GHR: variants seen among roughly 807,000 people sequenced by gnomAD.
GHR encodes the protein growth hormone receptor, also known as GH receptor.
Under a neutral mutation model 67.1 loss-of-function variants are expected in GHR, and 35 were observed. The ratio of observed to expected loss-of-function variants is 0.52; its 90% confidence interval spans 0.40 to 0.69. The LOEUF is 0.69. Among genes scored for constraint, GHR ranks in the 30% least tolerant of loss-of-function variants. The pLI, the probability that GHR is intolerant of heterozygous loss-of-function variation, is 0.00. For synonymous variants in GHR, 272 were observed against 269.1 expected (o/e 1.01, Z -0.10); for missense variants, 792 against 764.6 (o/e 1.04, Z -0.42).
At chr5:42,710,299 G>T (rs568546509) in intron 6 of GHR, among the ~76,000 whole-genome samples, 36 of 152,154 alleles carry the variant, frequency 2.4e-4, no homozygotes, top group African/African-American at 7.7e-4. Context: ...TGAGAATTTT[G>T]TTTATGCGAA....
At chr5:42,453,376 C>T (rs1426794397) in intron 1 of GHR, among the ~76,000 whole-genome samples, 1 of 152,124 alleles carries the variant, frequency 6.6e-6, no homozygotes, top group Non-Finnish European at 1.5e-5. Flanking sequence ...AGGTATCCCC[C>T]GGCAGGCACC....
At chr5:42,518,941 A>C (rs1747357248) in intron 1 of GHR, among the ~76,000 whole-genome samples, 1 of 152,234 alleles carries the variant, frequency 6.6e-6, no homozygotes, top group Non-Finnish European at 1.5e-5. Context: ...TTCGAGAGCC[A>C]GGAGGCTCTT....
chr5:42,716,473 G>A (rs80293541), intron 8 of GHR, among the ~76,000 whole-genome samples: 2,728 of 152,234 alleles, frequency 0.018, 147 homozygotes, highest in South Asian at 0.17. Context: ...ACTGTAGCAC[G>A]AAAGTGGCCA....
At chr5:42,426,434 C>T (rs546345308) in intron 1 of GHR, among the ~76,000 whole-genome samples, 21 of 152,162 alleles carry the variant, frequency 1.4e-4, no homozygotes, top group Non-Finnish European at 2.9e-4. Flanking sequence ...AATCTGCTAA[C>T]CTGAAGATTA....
intron 2 of GHR, 136 bp downstream of exon 2, chr5:42,566,080 G>C (rs1749916688): frequency 5.0e-6 from 5 of 1,002,408 alleles, no homozygotes; most frequent in Non-Finnish European, 7.7e-6. Context: ...ACTTGACTTA[G>C]CTTTAAAATC....
intron 3 of GHR, among the ~76,000 whole-genome samples, chr5:42,679,111 TTATAA>T (rs1756716037): frequency 6.9e-6 from 1 of 144,452 alleles, no homozygotes; most frequent in Non-Finnish European, 1.5e-5. Flanking sequence ...TAATATATTA[TTATAA>T]TATATTATAT....
In GHR at chr5:42,465,842, A is replaced by G. The variant is rs1419165142; in HGVS notation, c.-12+41887A>G. On this transcript the variant is annotated intron_variant, in intron 1 of 9. Coordinates refer to ENST00000230882, the MANE Select transcript of GHR (RefSeq NM_000163.5). ...ACCATGACCTTGAATAGGTCGGTCA[A>G]TAATCAGTCTATCAACTGAAAATTC... is the stretch of plus-strand genomic sequence containing the variant. The G allele has an allele frequency of 2.4e-5, 18 of 760,122 alleles. No homozygotes were observed. The East Asian group carries it at 3.6e-4, about 15-fold the overall frequency. 47.1% of individuals were successfully genotyped at this position (760,122 alleles called of 1,614,324 possible). A position where few individuals can be genotyped will look rare whatever the true frequency, so the allele number is the denominator to read the frequency against.
intron 1 of GHR, among the ~76,000 whole-genome samples, chr5:42,444,959 G>T (rs1743743772): frequency 6.6e-6 from 1 of 152,098 alleles, no homozygotes; most frequent in African/African-American, 2.4e-5. Context: ...CTGAATTCAG[G>T]ATCTATGTCT....
intron 1 of GHR, among the ~76,000 whole-genome samples, chr5:42,519,677 C>A (rs1267552716): frequency 1.3e-5 from 2 of 152,154 alleles, no homozygotes; most frequent in Non-Finnish European, 2.9e-5. Context: ...TTGGCATTGA[C>A]CCCTTATCTA....
intron 5 of GHR, 76 bp from the exon 6 acceptor site, chr5:42,699,748 G>C: frequency 1.1e-6 from 1 of 906,376 alleles, no homozygotes; most frequent in Non-Finnish European, 1.9e-6. Flanking sequence ...AAGTAATTTG[G>C]TCTTCTGAGA....
intron 1 of GHR, among the ~76,000 whole-genome samples, chr5:42,475,936 C>T (rs13165456): frequency 2.7e-5 from 4 of 149,176 alleles, no homozygotes; most frequent in Admixed American, 2.0e-4. Context: ...GACGGAGTCT[C>T]GCTCTGTCAC....
intron 3 of GHR, among the ~76,000 whole-genome samples, chr5:42,633,404 C>T (rs772589416): frequency 6.6e-6 from 1 of 152,154 alleles, no homozygotes; most frequent in Non-Finnish European, 1.5e-5. Context: ...AAATGAATTG[C>T]TTGAATGCTA....
chr5:42,498,415 A>T (rs565394446), intron 1 of GHR, among the ~76,000 whole-genome samples: 1 of 152,318 alleles, frequency 6.6e-6, no homozygotes, highest in African/African-American at 2.4e-5. Context: ...TTATGAGGCA[A>T]TTCTACCCAC....
chr5:42,705,300 G>T lies in GHR; in HGVS notation c.618+5298G>T, dbSNP rs746245126. Among the ~76,000 whole-genome samples, 3 of 151,964 alleles carry T rather than the reference G, an allele frequency of 2.0e-5. No individual in the cohort carries two copies. In the South Asian group the frequency reaches 6.2e-4, roughly 31 times the overall value. ...TTGTTTTCTGATGGAGGCATTTATT[G>T]CCATGAACTTCCATTGCTCTTAGAA... On this transcript the variant is annotated intron_variant, in intron 6 of 9. Transcript: ENST00000230882.
intron 2 of GHR, among the ~76,000 whole-genome samples, chr5:42,605,493 A>G (rs1752589030): frequency 6.6e-6 from 1 of 152,148 alleles, no homozygotes; most frequent in African/African-American, 2.4e-5. Context: ...GTCCTAAGTT[A>G]GTGACCAAGG....
At chr5:42,510,922 A>G (rs1284662263) in intron 1 of GHR, among the ~76,000 whole-genome samples, 1 of 152,204 alleles carries the variant, frequency 6.6e-6, no homozygotes, top group Non-Finnish European at 1.5e-5. Context: ...TGCAGCAGCC[A>G]ACTTCAGGGA....
At chr5:42,427,535 G>C (rs1250217753) in intron 1 of GHR, among the ~76,000 whole-genome samples, 1 of 152,122 alleles carries the variant, frequency 6.6e-6, no homozygotes, top group African/African-American at 2.4e-5. Flanking sequence ...ATGGCATTTG[G>C]GTGGAGACAA....
intron 2 of GHR, among the ~76,000 whole-genome samples, chr5:42,616,521 A>C (rs1031500652): frequency 6.6e-6 from 1 of 152,036 alleles, no homozygotes; most frequent in Non-Finnish European, 1.5e-5. Flanking sequence ...CTGTGTTAGG[A>C]TTGAGATACC....
At chr5:42,640,841 A>G (rs1675772422) in intron 3 of GHR, among the ~76,000 whole-genome samples, 1 of 152,064 alleles carries the variant, frequency 6.6e-6, no homozygotes. Flanking sequence ...TTGCGTCCTG[A>G]AAGACCCTCG....
Sources: allele counts gnomAD v4.1 joint callset (sites outside exome capture counted in the v4.1 genomes callset), GRCh38; gene constraint gnomAD v4.1.1; transcripts MANE v1.5; gene names NCBI Gene and HGNC (gene_info 2026-07-23, HGNC 2026-07-21).